Variants in ZNF615 observed in about 807,000 individuals in gnomAD.
ZNF615 encodes the protein zinc finger protein 615.
ZNF615 carries 15 observed loss-of-function variants against 15.3 expected under a neutral mutation model. The observed-to-expected ratio is 0.98, with a 90% CI of 0.66 to 1.51. The LOEUF is 1.51. Ranked by LOEUF, ZNF615 falls within the 40% of genes most tolerant of loss-of-function variation. The probability of loss-of-function intolerance (pLI) is 0.00; values close to 1 mark genes in which losing one functional copy is unlikely to be tolerated. For missense variants in ZNF615, 848 were observed against 895.9 expected, an observed-to-expected ratio of 0.95 and a Z score of 0.68; for synonymous variants, 268 against 294.6, an observed-to-expected ratio of 0.91 and a Z score of 0.92.
intron 2 of ZNF615, among the ~76,000 whole-genome samples, chr19:52,005,506 G>A (rs1381357112): frequency 6.6e-6 from 1 of 152,114 alleles, no homozygotes; most frequent in Non-Finnish European, 1.5e-5. Context: ...GCTCAAAAAT[G>A]CCCACATACA....
intron 6 of ZNF615, among the ~76,000 whole-genome samples, chr19:51,996,571 G>T (rs2086447843): frequency 6.6e-6 from 1 of 152,070 alleles, no homozygotes; most frequent in Non-Finnish European, 1.5e-5. Context: ...GAAGAAATTG[G>T]TTGAATATAT....
intron 6 of ZNF615, among the ~76,000 whole-genome samples, chr19:51,995,564 C>CTTTT (rs61537011): frequency 5.2e-5 from 7 of 135,536 alleles, no homozygotes; most frequent in Admixed American, 7.4e-5. Context: ...AAACACCTTC[C>CTTTT]TTTTTTTTTT....
At chr19:52,006,303 T>C (rs1190457653) in intron 2 of ZNF615, among the ~76,000 whole-genome samples, 5 of 152,154 alleles carry the variant, frequency 3.3e-5, no homozygotes, top group African/African-American at 1.2e-4. Flanking sequence ...TGAATATAAA[T>C]ACAAATTTTA....
intron 6 of ZNF615, 55 bp from the exon 7 acceptor site, chr19:51,994,892 T>C: frequency 6.8e-7 from 1 of 1,466,780 alleles, no homozygotes; most frequent in Non-Finnish European, 9.0e-7. Flanking sequence ...AAATAAACTA[T>C]TTAAACTATT....
At chr19:51,999,315 C>G (rs946396521) in intron 6 of ZNF615, among the ~76,000 whole-genome samples, 3 of 152,172 alleles carry the variant, frequency 2.0e-5, no homozygotes, top group Non-Finnish European at 4.4e-5. Context: ...AGTGCAGTAC[C>G]TACCAAAATC....
chr19:51,993,796 G>A lies in ZNF615; in HGVS notation c.1313C>T (p.Pro438Leu), dbSNP rs760926442. 11 of 1,614,004 alleles carry A rather than the reference G, an allele frequency of 6.8e-6. 1 individual carries two copies. The Middle Eastern group carries it at 8.2e-4, about 121-fold the overall frequency. Residue 438 changes from proline to leucine, a missense_variant, in exon 7 of 7, where the codon CCT becomes CTT. By Grantham distance (98) the Pro-to-Leu change is moderately conservative. Coordinates refer to ENST00000598071, the MANE Select transcript of ZNF615 (RefSeq NM_001199324.2). ...VHQRTHTGEK[P>L]YKCNECGKGF... The stretch of plus-strand genomic sequence containing the variant: ...CTTTCCACACTCATTGCATTTATAA[G>A]GTTTCTCTCCAGTATGAGTTCGTTG...
Position 52,007,344 on chromosome 19 carries a change from T to C in ZNF615, c.-227-14A>G, listed in dbSNP as rs1164864883. Reference sequence around the variant, plus strand: ...GTCAGAAAGAACCTGAAAAGAAATATCCAAGAGGATACGCTGGAAACTTGC... The same window carrying C: ...GTCAGAAAGAACCTGAAAAGAAATACCCAAGAGGATACGCTGGAAACTTGC... On this transcript the variant is annotated splice_polypyrimidine_tract_variant and intron_variant, in intron 1 of 6. Transcript: ENST00000598071. The C allele has an allele frequency of 7.8e-7, 1 of 1,285,808 alleles. No homozygotes were observed. Among genetic ancestry groups the C allele is most frequent in the South Asian group, 1.2e-5 (1 of 80,412 alleles). The allele number at this position is 1,285,808 out of a possible 1,614,324, so 79.6% of individuals were successfully genotyped here. A position where few individuals can be genotyped will look rare whatever the true frequency, so the allele number is the denominator to read the frequency against.
intron 2 of ZNF615, among the ~76,000 whole-genome samples, chr19:52,007,077 G>C (rs2086772926): frequency 1.3e-5 from 2 of 152,262 alleles, no homozygotes; most frequent in African/African-American, 4.8e-5. Flanking sequence ...CTATCCAAAT[G>C]TACGCATAAA....
At chr19:52,000,027 G>A (rs1283816351) in intron 6 of ZNF615, 2 of 237,350 alleles carry the variant, frequency 8.4e-6, no homozygotes, top group African/African-American at 4.5e-5. Context: ...ATACACCATG[G>A]AATACTACAA....
rs1438868711 is a variant in ZNF615 at position 52,001,728 on chromosome 19, A to G, written c.238+85T>C. ...ATGGAGGGGCTGTTGCTGTGTCCTC[A>G]GATGCCCTCACTGCTTTGACGCCTG... On this transcript the variant is annotated intron_variant, in intron 5 of 6. Transcript: ENST00000598071. 3 of 1,078,910 alleles carry G rather than the reference A, an allele frequency of 2.8e-6. No homozygotes were observed. The African/African-American group carries it at 4.6e-5, about 17-fold the overall frequency. The allele number at this position is 1,078,910 out of a possible 1,614,324, so 66.8% of individuals were successfully genotyped here.
At chr19:51,997,113 A>G (rs1347355740) in intron 6 of ZNF615, among the ~76,000 whole-genome samples, 1 of 151,986 alleles carries the variant, frequency 6.6e-6, no homozygotes, top group African/African-American at 2.4e-5. Flanking sequence ...GAGCCCAGAA[A>G]TTTGAGACCA....
chr19:51,998,334 T>A (rs952780927), intron 6 of ZNF615, among the ~76,000 whole-genome samples: 4 of 152,136 alleles, frequency 2.6e-5, no homozygotes, highest in African/African-American at 7.2e-5. Context: ...TTTCAACTTC[T>A]CATTGTCTCA....
chr19:51,994,064 G>C lies in ZNF615; in HGVS notation c.1045C>G (p.His349Asp). 6.2e-7 allele frequency: 1 copy of C among 1,614,114 alleles called. No individual in the cohort carries two copies. Among genetic ancestry groups the C allele is most frequent in the Non-Finnish European group, 8.5e-7 (1 of 1,180,036 alleles). Residue 349 changes from histidine to aspartate, a missense_variant, in exon 7 of 7, where the codon CAT becomes GAT. Coordinates refer to ENST00000598071, the MANE Select transcript of ZNF615 (RefSeq NM_001199324.2). ...CATATATAAGGTTTTTCTCCTGTAT[G>C]AGTTTTCTGATGTGTAGTGAGACTG... Reference protein sequence around the residue: ...KFSLTTHQKTHTGEKPYICSE... With the variant: ...KFSLTTHQKTDTGEKPYICSE...
chr19:52,006,297 T>C (rs533545709), intron 2 of ZNF615, among the ~76,000 whole-genome samples: 2 of 152,198 alleles, frequency 1.3e-5, no homozygotes, highest in Admixed American at 6.5e-5. Flanking sequence ...AAAAAATGAA[T>C]ATAAATACAA....
chr19:51,998,793 T>G (rs2086512762), intron 6 of ZNF615, among the ~76,000 whole-genome samples: 2 of 152,120 alleles, frequency 1.3e-5, no homozygotes, highest in African/African-American at 4.8e-5. Context: ...TAGCTGGGAT[T>G]ATAGGCACAT....
At chr19:51,996,960 G>A (rs1157433633) in intron 6 of ZNF615, among the ~76,000 whole-genome samples, 2 of 152,160 alleles carry the variant, frequency 1.3e-5, no homozygotes, top group African/African-American at 4.8e-5. Flanking sequence ...ATTCCACAAT[G>A]TACACATATT....
rs1445950545 is a variant in ZNF615 at position 51,991,827 on chromosome 19, T to C, written c.*1053A>G. The C allele has an allele frequency of 6.6e-6, 1 of 152,152 alleles. No individual in the cohort carries two copies. The highest frequency in any genetic ancestry group is 1.5e-5 in the Non-Finnish European group (1 of 68,032). 9.4% of individuals were successfully genotyped at this position (152,152 alleles called of 1,614,324 possible). A position where few individuals can be genotyped will look rare whatever the true frequency, so the allele number is the denominator to read the frequency against. The stretch of plus-strand genomic sequence containing the variant: ...ATAAATTCTGTAGTTAACAGTATTG[T>C]AACAATTTCACTTTCCTGTATTTGG... On this transcript the variant is annotated 3_prime_UTR_variant, in exon 7 of 7. Coordinates refer to ENST00000598071, the MANE Select transcript of ZNF615 (RefSeq NM_001199324.2).
At chr19:51,996,554 C>G (rs1002874762) in intron 6 of ZNF615, among the ~76,000 whole-genome samples, 4 of 152,000 alleles carry the variant, frequency 2.6e-5, no homozygotes, top group Non-Finnish European at 5.9e-5. Context: ...TATCCAAGTA[C>G]AAACATGAAG....
At chr19:52,000,850 G>A (rs1288476187) in intron 5 of ZNF615, among the ~76,000 whole-genome samples, 1 of 152,030 alleles carries the variant, frequency 6.6e-6, no homozygotes, top group Non-Finnish European at 1.5e-5. Flanking sequence ...CCACTTAAGA[G>A]GCTGAGGTGG....
Sources: allele counts gnomAD v4.1 joint callset (sites outside exome capture counted in the v4.1 genomes callset), GRCh38; gene constraint gnomAD v4.1.1; transcripts MANE v1.5; gene names NCBI Gene and HGNC (gene_info 2026-07-23, HGNC 2026-07-21).